The following RANBP2 variants were observed in gnomAD, a reference collection of about 807,000 sequenced individuals.
RANBP2 encodes the protein RAN binding protein 2, also known as E3 SUMO-protein ligase RanBP2.
RANBP2 carries 57 observed loss-of-function variants against 303.6 expected under a neutral mutation model. That is an observed-to-expected ratio of 0.19 (90% CI 0.15 to 0.23). The LOEUF (loss-of-function observed/expected upper bound fraction) is 0.23. RANBP2 is among the 10% of genes least tolerant of loss of function. The pLI is 1.00. For synonymous variants in RANBP2, 1,167 were observed against 1,301.5 expected, an observed-to-expected ratio of 0.90 and a Z score of 2.23; for missense variants, 3,138 against 3,780.8, an observed-to-expected ratio of 0.83 and a Z score of 4.46.
the RANBP2 span, chr2:108,882,877 T>G: frequency 2.0e-5 from 3 of 152,090 alleles, no homozygotes; most frequent in African/African-American, 7.3e-5. Context: ...AGGTAGGGAT[T>G]TAAGGATGGC....
the RANBP2 span, among the ~76,000 whole-genome samples, chr2:109,200,323 G>A: frequency 6.6e-6 from 1 of 152,182 alleles, no homozygotes; most frequent in Non-Finnish European, 1.5e-5. Context: ...CCCTGCCGCA[G>A]AACTCACTAG....
the RANBP2 span, among the ~76,000 whole-genome samples, chr2:108,841,076 T>G: frequency 6.6e-6 from 1 of 152,148 alleles, no homozygotes; most frequent in Non-Finnish European, 1.5e-5. Flanking sequence ...CCTCAAGTGA[T>G]CTGCCCACTT....
the RANBP2 span, among the ~76,000 whole-genome samples, chr2:109,420,120 T>C: frequency 2.0e-5 from 3 of 152,232 alleles, 1 homozygote; most frequent in African/African-American, 7.2e-5. Context: ...TCCCCAAATA[T>C]AACCAGATGA....
At chr2:109,045,012 T>C in the RANBP2 span, among the ~76,000 whole-genome samples, 4 of 152,218 alleles carry the variant, frequency 2.6e-5, no homozygotes, top group Non-Finnish European at 5.9e-5. Flanking sequence ...GGAGTTTTTA[T>C]TCCAAAAGTT....
chr2:109,730,778 T>C, the RANBP2 span, among the ~76,000 whole-genome samples: 9 of 69,024 alleles, frequency 1.3e-4, no homozygotes, highest in East Asian at 7.5e-4. Context: ...CTCTCTCTCT[T>C]TTTTTTTTTT....
the RANBP2 span, among the ~76,000 whole-genome samples, chr2:108,829,989 A>G: frequency 6.7e-6 from 1 of 149,948 alleles, no homozygotes; most frequent in African/African-American, 2.5e-5. Flanking sequence ...TAGCAAGATT[A>G]TATATAATAA....
chr2:109,113,949 A>G, the RANBP2 span, among the ~76,000 whole-genome samples: 29 of 152,268 alleles, frequency 1.9e-4, no homozygotes, highest in African/African-American at 1.7e-4. Flanking sequence ...ATTGATTTGC[A>G]TATATTGAAC....
the RANBP2 span, among the ~76,000 whole-genome samples, chr2:109,357,432 C>T: frequency 1.3e-5 from 2 of 152,190 alleles, no homozygotes; most frequent in African/African-American, 2.4e-5. Context: ...CCACCCACCT[C>T]GGCCTCCCAA....
the RANBP2 span, among the ~76,000 whole-genome samples, chr2:109,431,825 T>C: frequency 6.6e-6 from 1 of 152,138 alleles, no homozygotes; most frequent in East Asian, 1.9e-4. Flanking sequence ...GAGCTATGCT[T>C]GTACCACTGC....
the RANBP2 span, among the ~76,000 whole-genome samples, chr2:109,229,347 C>T: frequency 2.6e-5 from 4 of 152,358 alleles, no homozygotes; most frequent in African/African-American, 9.6e-5. Context: ...ACTTTTCATA[C>T]ATTAACATGA....
chr2:109,069,510 C>G, the RANBP2 span, among the ~76,000 whole-genome samples: 1 of 152,224 alleles, frequency 6.6e-6, no homozygotes, highest in Non-Finnish European at 1.5e-5. Flanking sequence ...TGAATGGCCT[C>G]TCCTGACAGA....
At chr2:109,488,919 G>C in the RANBP2 span, among the ~76,000 whole-genome samples, 1 of 152,206 alleles carries the variant, frequency 6.6e-6, no homozygotes, top group Non-Finnish European at 1.5e-5. Context: ...CAGGTATCTG[G>C]ATCCCCGTGC....
At chr2:108,861,294 G>C in the RANBP2 span, among the ~76,000 whole-genome samples, 2 of 151,100 alleles carry the variant, frequency 1.3e-5, no homozygotes, top group Admixed American at 6.6e-5. Context: ...TCATTTCGTC[G>C]ATCCTTATAT....
chr2:108,854,512 C>T, the RANBP2 span, among the ~76,000 whole-genome samples: 4 of 152,124 alleles, frequency 2.6e-5, no homozygotes, highest in African/African-American at 9.7e-5. Flanking sequence ...GACATTATTA[C>T]TTATTATAAA....
the RANBP2 span, among the ~76,000 whole-genome samples, chr2:109,417,334 C>T: frequency 6.6e-6 from 1 of 152,174 alleles, no homozygotes; most frequent in Non-Finnish European, 1.5e-5. Flanking sequence ...CTGGGGAGTT[C>T]TCTAGAAGGA....
At chr2:109,527,746 T>A in the RANBP2 span, among the ~76,000 whole-genome samples, 2 of 152,240 alleles carry the variant, frequency 1.3e-5, no homozygotes, top group Non-Finnish European at 2.9e-5. Context: ...ATAAAAGATT[T>A]TTTTAAAAAA....
At chr2:109,211,272 T>C in the RANBP2 span, among the ~76,000 whole-genome samples, 1 of 152,242 alleles carries the variant, frequency 6.6e-6, no homozygotes, top group Non-Finnish European at 1.5e-5. Context: ...GGGGATGTCC[T>C]GCCATTTGCA....
At chr2:108,781,223 G>A (rs780212622) in intron 25 of RANBP2, 46 bp from the exon 26 acceptor site, 1 of 1,595,842 alleles carries the variant, frequency 6.3e-7, no homozygotes, top group Non-Finnish European at 8.6e-7. Context: ...GATGAAAAAT[G>A]TAAAAAATAG....
chr2:109,353,309 G>C, the RANBP2 span, among the ~76,000 whole-genome samples: 1 of 152,218 alleles, frequency 6.6e-6, no homozygotes, highest in Non-Finnish European at 1.5e-5. Flanking sequence ...CTTAGCCTGG[G>C]TGCCCCCACA....
Sources: allele counts gnomAD v4.1 joint callset (sites outside exome capture counted in the v4.1 genomes callset), GRCh38; gene constraint gnomAD v4.1.1; transcripts MANE v1.5; gene names NCBI Gene and HGNC (gene_info 2026-07-23, HGNC 2026-07-21).